The following ARK2N variants were observed in gnomAD, a reference collection of about 807,000 sequenced individuals.
ARK2N encodes the protein protein ARK2N.
chr18:46,226,440 T>C, the ARK2N span, among the ~76,000 whole-genome samples: 1 of 152,220 alleles, frequency 6.6e-6, no homozygotes, highest in Admixed American at 6.5e-5. Flanking sequence ...AAAGATAAAA[T>C]GGTCACTATA....
chr18:46,244,437 A>G, the ARK2N span, among the ~76,000 whole-genome samples: 11 of 152,152 alleles, frequency 7.2e-5, no homozygotes, highest in Middle Eastern at 3.4e-3. Flanking sequence ...TGTCCCTAAC[A>G]TGGTGGCAGT....
At chr18:46,257,605 T>TA in the ARK2N span, among the ~76,000 whole-genome samples, 1,543 of 152,280 alleles carry the variant, frequency 0.01, 34 homozygotes, top group African/African-American at 0.036. Context: ...CCAGCATCTC[T>TA]AGTTCTTCTC....
chr18:46,226,428 G>C, the ARK2N span, among the ~76,000 whole-genome samples: 1 of 152,196 alleles, frequency 6.6e-6, no homozygotes, highest in African/African-American at 2.4e-5. Flanking sequence ...CCTGTAGAGG[G>C]TAAAGATAAA....
the ARK2N span, chr18:46,219,314 G>A: frequency 8.8e-4 from 134 of 152,036 alleles, no homozygotes; most frequent in African/African-American, 3.2e-3. Flanking sequence ...TCTGTTTGGA[G>A]GTATCATATC....
At chr18:46,213,893 C>T in the ARK2N span, among the ~76,000 whole-genome samples, 1 of 152,118 alleles carries the variant, frequency 6.6e-6, no homozygotes, top group Non-Finnish European at 1.5e-5. Flanking sequence ...GACGGGGTTT[C>T]ACCATGTTGG....
the ARK2N span, among the ~76,000 whole-genome samples, chr18:46,244,684 C>G: frequency 6.9e-6 from 1 of 145,404 alleles, no homozygotes; most frequent in Non-Finnish European, 1.5e-5. Context: ...TCACTGCAAC[C>G]TCTGCCTCCC....
the ARK2N span, chr18:46,265,529 C>T: frequency 6.6e-6 from 1 of 152,256 alleles, no homozygotes; most frequent in African/African-American, 2.4e-5. Flanking sequence ...CCTAGTCCAG[C>T]TCCCAACTGC....
the ARK2N span, among the ~76,000 whole-genome samples, chr18:46,227,634 G>C: frequency 2.0e-5 from 3 of 151,434 alleles, no homozygotes; most frequent in African/African-American, 7.3e-5. Context: ...TTTTGCTCTC[G>C]TTGCCCAGGC....
At chr18:46,194,623 G>A in the ARK2N span, among the ~76,000 whole-genome samples, 1 of 150,008 alleles carries the variant, frequency 6.7e-6, no homozygotes, top group Non-Finnish European at 1.5e-5. Flanking sequence ...ACAGGCGTGT[G>A]CCACCATGCC....
chr18:46,246,941 C>CAAA, the ARK2N span, among the ~76,000 whole-genome samples: 25 of 84,442 alleles, frequency 3.0e-4, no homozygotes, highest in African/African-American at 9.3e-4. Context: ...AACTCCATTT[C>CAAA]AAAAAAAAAA....
At chr18:46,175,801 TG>T in the ARK2N span, among the ~76,000 whole-genome samples, 2 of 152,150 alleles carry the variant, frequency 1.3e-5, no homozygotes, top group African/African-American at 4.8e-5. Context: ...GCGCCTGGAC[TG>T]AATCAGATTT....
At chr18:46,175,829 A>T in the ARK2N span, among the ~76,000 whole-genome samples, 156 of 152,162 alleles carry the variant, frequency 1.0e-3, no homozygotes, top group Non-Finnish European at 1.8e-3. Context: ...GGGAAAAAAA[A>T]TTTTTTCTGA....
chr18:46,256,875 A>G, the ARK2N span, among the ~76,000 whole-genome samples: 3 of 152,136 alleles, frequency 2.0e-5, no homozygotes, highest in African/African-American at 7.2e-5. Context: ...TAATCTTTCA[A>G]ACATTGGGAT....
the ARK2N span, among the ~76,000 whole-genome samples, chr18:46,220,121 G>A: frequency 6.6e-6 from 1 of 152,142 alleles, no homozygotes; most frequent in African/African-American, 2.4e-5. Context: ...CTGCTTTGTG[G>A]TTAAATGCTT....
chr18:46,200,166 T>C, the ARK2N span, among the ~76,000 whole-genome samples: 5 of 152,148 alleles, frequency 3.3e-5, no homozygotes, highest in African/African-American at 1.2e-4. Flanking sequence ...ACCTGAATTA[T>C]TCATTTTTCC....
the ARK2N span, among the ~76,000 whole-genome samples, chr18:46,207,768 T>C: frequency 6.6e-6 from 1 of 152,226 alleles, no homozygotes; most frequent in African/African-American, 2.4e-5. Flanking sequence ...CTGTCAGTTA[T>C]CAATAACTGC....
At chr18:46,265,982 C>T in the ARK2N span, 12 of 152,472 alleles carry the variant, frequency 7.9e-5, no homozygotes, top group South Asian at 2.3e-3. Context: ...GTTGCATCAT[C>T]ATGACTGCCA....
the ARK2N span, among the ~76,000 whole-genome samples, chr18:46,202,801 T>TAAAAAAAAAAAAAAATAAAAA: frequency 1.2e-4 from 12 of 100,258 alleles, no homozygotes; most frequent in South Asian, 3.5e-3. Context: ...AAAATAAAAA[T>TAAAAAAAAAAAAAAATAAAAA]TAAAAAAAAA....
the ARK2N span, among the ~76,000 whole-genome samples, chr18:46,202,779 C>A: frequency 2.7e-5 from 4 of 147,668 alleles, no homozygotes; most frequent in African/African-American, 1.0e-4. Flanking sequence ...CAGAGTGAGA[C>A]TCGGTCGCAA....
Sources: gnomAD v4.1 joint callset for allele counts (sites outside exome capture counted in the v4.1 genomes callset) on GRCh38, gnomAD v4.1.1 for gene constraint, MANE v1.5 for transcripts, NCBI Gene and HGNC (gene_info 2026-07-23, HGNC 2026-07-21) for gene names.